Variants in CRTAC1 observed in about 807,000 individuals in gnomAD.
CRTAC1 encodes the protein cartilage acidic protein 1.
In CRTAC1, 37 loss-of-function variants were observed where a neutral mutation model predicts 67.8. The observed-to-expected ratio is 0.55, with a 90% confidence interval of 0.42 to 0.72. The LOEUF (loss-of-function observed/expected upper bound fraction) is 0.72. Ranked by LOEUF, CRTAC1 falls within the 30% of genes least tolerant of loss-of-function variation. CRTAC1 has a pLI of 0.00. For missense variants in CRTAC1, 780 were observed against 931.6 expected, an observed-to-expected ratio of 0.84 and a Z score of 2.12; for synonymous variants, 348 against 371.0, an observed-to-expected ratio of 0.94 and a Z score of 0.71.
chr10:97,895,171 G>A lies in CRTAC1; in HGVS notation c.1486+74C>T. 1 of 1,456,848 alleles carries A rather than the reference G, an allele frequency of 6.9e-7. No individual in the cohort carries two copies. The highest frequency in any genetic ancestry group is 9.4e-7 in the Non-Finnish European group (1 of 1,062,814). The allele number at this position is 1,456,848 out of a possible 1,614,324, so 90.2% of individuals were successfully genotyped here. A position where few individuals can be genotyped will look rare whatever the true frequency, so the allele number is the denominator to read the frequency against. ...GTAGAGCGGAGCGGTGCCCAAGGATGCTCGGGCTGTGAGTCCCTGAATCAG... is the reference window on the plus strand; with the variant it reads ...GTAGAGCGGAGCGGTGCCCAAGGATACTCGGGCTGTGAGTCCCTGAATCAG... On this transcript the variant is annotated intron_variant, in intron 11 of 14. Coordinates refer to ENST00000370597, the MANE Select transcript of CRTAC1 (RefSeq NM_018058.7). The surrounding 1 kb of genome is among the most constrained non-coding windows in gnomAD (Gnocchi z 4.2).
chr10:97,874,525 G>A (rs562286936), intron 14 of CRTAC1, among the ~76,000 whole-genome samples: 54 of 152,266 alleles, frequency 3.5e-4, no homozygotes, highest in African/African-American at 1.1e-3. Flanking sequence ...AGGTGGCCCC[G>A]TCCTGCCCAT....
At chr10:97,883,811 A>G (rs572872262) in intron 12 of CRTAC1, among the ~76,000 whole-genome samples, 4 of 152,214 alleles carry the variant, frequency 2.6e-5, no homozygotes, top group Non-Finnish European at 5.9e-5. Flanking sequence ...GCCCCACCCT[A>G]GGGCAATAGG....
intron 2 of CRTAC1, among the ~76,000 whole-genome samples, chr10:97,939,100 C>CT (rs1396935563): frequency 6.6e-6 from 1 of 152,190 alleles, no homozygotes; most frequent in African/African-American, 2.4e-5. Flanking sequence ...CACCCTTCCC[C>CT]TGCACCCCTG....
chr10:97,993,089 C>A (rs1842490946), intron 2 of CRTAC1, among the ~76,000 whole-genome samples: 1 of 152,120 alleles, frequency 6.6e-6, no homozygotes, highest in African/African-American at 2.4e-5. Flanking sequence ...GACATCAGTA[C>A]AACTGGTTAG....
Position 97,975,223 on chromosome 10 carries a change from C to T in CRTAC1, c.224+35915G>A, listed in dbSNP as rs1265039652. Among the ~76,000 whole-genome samples the T allele has an allele frequency of 5.3e-5, 8 of 152,146 alleles. No individual in the cohort carries two copies. Among genetic ancestry groups the T allele is most frequent in the African/African-American group, 1.7e-4 (7 of 41,454 alleles). ...ATGTCGGCATTTAACACAAAATGCT[C>T]TTGGCTCAATCCCAGGTCGCAGAGG... On this transcript the variant is annotated intron_variant, in intron 2 of 14. Transcript: ENST00000370597. The surrounding 1 kb of genome is among the most constrained non-coding windows in gnomAD (Gnocchi z 4.8).
chr10:97,902,440 C>T (rs575377708), intron 7 of CRTAC1, among the ~76,000 whole-genome samples: 9 of 152,198 alleles, frequency 5.9e-5, no homozygotes, highest in South Asian at 2.1e-4. Flanking sequence ...GAGGGGGTTG[C>T]GGTATCAGCT....
chr10:98,014,870 GC>G (rs1209985285), intron 1 of CRTAC1, among the ~76,000 whole-genome samples: 1 of 152,226 alleles, frequency 6.6e-6, no homozygotes, highest in African/African-American at 2.4e-5. Context: ...TAATGCAGCT[GC>G]TGTGAAAAAC....
intron 1 of CRTAC1, among the ~76,000 whole-genome samples, chr10:98,022,512 G>C (rs1230977266): frequency 3.3e-5 from 5 of 152,072 alleles, no homozygotes; most frequent in African/African-American, 1.2e-4. Flanking sequence ...TTGGATTCTA[G>C]ATGCTGGAGA....
Position 97,968,995 on chromosome 10 carries a change from G to T in CRTAC1, c.225-32629C>A, listed in dbSNP as rs539892183. 4.2e-4 allele frequency among the ~76,000 whole-genome samples: 64 copies of T among 152,282 alleles called. 1 individual carries two copies. Among genetic ancestry groups the T allele is most frequent in the African/African-American group, 1.5e-3 (64 of 41,550 alleles). On this transcript the variant is annotated intron_variant, in intron 2 of 14. Coordinates refer to ENST00000370597, the MANE Select transcript of CRTAC1 (RefSeq NM_018058.7). ...TCTCAGTCACATTTGGAGCTCTGCT[G>T]GTGGTCTTAATACCAGAGTTTGCCC... is the stretch of plus-strand genomic sequence containing the variant.
At chr10:97,909,423 T>C (rs988669551) in intron 5 of CRTAC1, among the ~76,000 whole-genome samples, 1 of 152,238 alleles carries the variant, frequency 6.6e-6, no homozygotes, top group Non-Finnish European at 1.5e-5. Flanking sequence ...ACGTTACCCT[T>C]GAGCCTCAGT....
Position 97,884,279 on chromosome 10 carries a change from C to T in CRTAC1, c.1559G>A (p.Gly520Glu). 1 of 1,558,230 alleles carries T rather than the reference C, an allele frequency of 6.4e-7. No homozygotes were observed. The highest frequency in any genetic ancestry group is 1.2e-5 in the South Asian group (1 of 84,610). ...GATCTCCAGCACTGAGTTCATCTCC[C>T]CGCTGGCCACGTTCCGGCTCACCAT... is the stretch of plus-strand genomic sequence containing the variant. ...GKMVSRNVAS[G>E]EMNSVLEILY... Residue 520 changes from glycine (G) to glutamate (E), a missense_variant, in exon 12 of 15, where the codon GGG becomes GAG. Coordinates refer to ENST00000370597, the MANE Select transcript of CRTAC1 (RefSeq NM_018058.7).
rs193292474 is a variant in CRTAC1, at chr10:98,010,158, G to A, written c.224+980C>T. Among the ~76,000 whole-genome samples the A allele has an allele frequency of 9.2e-5, 14 of 151,938 alleles. No individual in the cohort carries two copies. In the East Asian group the frequency reaches 2.7e-3, roughly 30 times the overall value. On this transcript the variant is annotated intron_variant, in intron 2 of 14. Transcript: ENST00000370597. ...GGGTTCAAGCAATTCTTGTGCCTCA[G>A]CCACCTGAGTAGCTGGGATTACATG...
chr10:97,945,805 G>A (rs547570699), intron 2 of CRTAC1, among the ~76,000 whole-genome samples: 2 of 152,360 alleles, frequency 1.3e-5, no homozygotes, highest in South Asian at 4.1e-4. Context: ...CTAAGGGGCA[G>A]ATGGTTTTTC....
At chr10:97,944,946 GAC>G (rs936783629) in intron 2 of CRTAC1, among the ~76,000 whole-genome samples, 3 of 152,220 alleles carry the variant, frequency 2.0e-5, no homozygotes, top group African/African-American at 7.2e-5. Context: ...CTAAGTGAGT[GAC>G]ACCAGCTGAT....
intron 2 of CRTAC1, among the ~76,000 whole-genome samples, chr10:97,992,195 C>G (rs1448226407): frequency 6.6e-6 from 1 of 152,116 alleles, no homozygotes; most frequent in African/African-American, 2.4e-5. Context: ...AGGGAAGCAA[C>G]TTTAAAAGAT....
At chr10:97,888,210 C>A (rs11189419) in intron 11 of CRTAC1, among the ~76,000 whole-genome samples, 384 of 152,288 alleles carry the variant, frequency 2.5e-3, no homozygotes, top group Non-Finnish European at 4.6e-3. Context: ...CTCATGATTC[C>A]CATGGGAGCG....
At chr10:97,996,488 C>T (rs1842573051) in intron 2 of CRTAC1, among the ~76,000 whole-genome samples, 1 of 151,950 alleles carries the variant, frequency 6.6e-6, no homozygotes. Flanking sequence ...AAAAAATGCT[C>T]ATCATCACTG....
At chr10:97,970,923 C>T (rs1243636430) in intron 2 of CRTAC1, among the ~76,000 whole-genome samples, 2 of 152,164 alleles carry the variant, frequency 1.3e-5, no homozygotes, top group Admixed American at 6.5e-5. Context: ...AGAAAATGAT[C>T]AGAGTACATA....
At position 97,895,072 on chromosome 10, in the gene CRTAC1, G is replaced by A. The variant is rs559765889; in HGVS notation, c.1486+173C>T. On this transcript the variant is annotated intron_variant, in intron 11 of 14. Coordinates refer to ENST00000370597, the MANE Select transcript of CRTAC1 (RefSeq NM_018058.7). The surrounding 1 kb of genome is among the most constrained non-coding windows in gnomAD (Gnocchi z 4.2). ...AAAATCTAACCAGCACTTCCCACTC[G>A]CCTCTTCTTGAGCTCAGGCTCATCT... Among the ~76,000 whole-genome samples the A allele has an allele frequency of 3.3e-5, 5 of 152,144 alleles. No individual in the cohort carries two copies. Among genetic ancestry groups the A allele is most frequent in the East Asian group, 1.9e-4 (1 of 5,154 alleles).
Sources: gnomAD v4.1 joint callset for allele counts (sites outside exome capture counted in the v4.1 genomes callset) on GRCh38, gnomAD v4.1.1 for gene constraint, Gnocchi (gnomAD v3.1) non-coding constraint, MANE v1.5 for transcripts, NCBI Gene and HGNC (gene_info 2026-07-23, HGNC 2026-07-21) for gene names.